Variants in KCNH7 observed in about 807,000 individuals in gnomAD.
KCNH7 encodes voltage-gated inwardly rectifying potassium channel KCNH7.
A neutral mutation model predicts 120.8 loss-of-function variants in KCNH7; 49 were observed. That is an observed-to-expected ratio of 0.41 (90% CI 0.32 to 0.51). The LOEUF is 0.51. KCNH7 is among the 20% of genes least tolerant of loss of function. The pLI is 0.38. For missense variants in KCNH7, 1,097 were observed against 1,446.6 expected (o/e 0.76, Z 3.92); for synonymous variants, 547 against 516.1 (o/e 1.06, Z -0.81).
intron 2 of KCNH7, among the ~76,000 whole-genome samples, chr2:162,803,920 TA>T (rs11348750): frequency 0.3 from 44,697 of 149,434 alleles, 6,713 homozygotes; most frequent in Admixed American, 0.33. Context: ...TCCAATTGTC[TA>T]AAAAAAAAAT....
chr2:162,522,650 A>G (rs923683762), intron 3 of KCNH7, among the ~76,000 whole-genome samples: 2 of 151,934 alleles, frequency 1.3e-5, no homozygotes, highest in Non-Finnish European at 2.9e-5. Flanking sequence ...GAATAATTAA[A>G]ATAGATACTA....
At chr2:162,710,886 A>G (rs921332913) in intron 2 of KCNH7, among the ~76,000 whole-genome samples, 1 of 152,144 alleles carries the variant, frequency 6.6e-6, no homozygotes, top group African/African-American at 2.4e-5. Flanking sequence ...TTCTTCTAAT[A>G]TATTACAGTT....
At chr2:162,805,958 T>C (rs1226226838) in intron 2 of KCNH7, among the ~76,000 whole-genome samples, 1 of 152,142 alleles carries the variant, frequency 6.6e-6, no homozygotes, top group Non-Finnish European at 1.5e-5. Flanking sequence ...TGGAGGCCAT[T>C]ACTCTACGTG....
chr2:162,787,926 T>C (rs1444378866), intron 2 of KCNH7, among the ~76,000 whole-genome samples: 1 of 152,222 alleles, frequency 6.6e-6, no homozygotes, highest in Non-Finnish European at 1.5e-5. Flanking sequence ...GCAGCAAGGT[T>C]ATCTGCAGAT....
intron 2 of KCNH7, among the ~76,000 whole-genome samples, chr2:162,737,322 AAGAG>A (rs1009892029): frequency 6.6e-6 from 1 of 151,974 alleles, no homozygotes; most frequent in African/African-American, 2.4e-5. Context: ...TATAGATCAG[AAGAG>A]AGAGAGTAGC....
chr2:162,744,824 C>T lies in KCNH7; in HGVS notation c.307+91713G>A, dbSNP rs551868759. On this transcript the variant is annotated intron_variant, in intron 2 of 15. Transcript: ENST00000332142. The stretch of plus-strand genomic sequence containing the variant: ...TCCTGACCTCGTGATCCGCCCGCCT[C>T]GGCCTCCCAAAGTGCTGGGATTACA... Among the ~76,000 whole-genome samples the T allele has an allele frequency of 1.2e-3, 185 of 152,226 alleles. 3 individuals are homozygous for T. Among genetic ancestry groups the T allele is most frequent in the South Asian group, 7.9e-3 (38 of 4,830 alleles).
chr2:162,644,336 C>T (rs575161719), intron 2 of KCNH7, among the ~76,000 whole-genome samples: 11 of 151,800 alleles, frequency 7.2e-5, no homozygotes, highest in South Asian at 4.2e-4. Flanking sequence ...AAGTTGTCCA[C>T]GTAAAATAGT....
intron 9 of KCNH7, among the ~76,000 whole-genome samples, chr2:162,412,267 C>G (rs1687412940): frequency 6.6e-6 from 1 of 151,838 alleles, no homozygotes; most frequent in South Asian, 2.1e-4. Flanking sequence ...AAAGGTAAAA[C>G]TTTTTAAGAA....
intron 2 of KCNH7, among the ~76,000 whole-genome samples, chr2:162,771,044 T>C (rs939219131): frequency 1.3e-5 from 2 of 152,130 alleles, no homozygotes; most frequent in African/African-American, 4.8e-5. Flanking sequence ...GGATTTGAGC[T>C]CTCATTTTCA....
chr2:162,618,093 T>C (rs1297110593), intron 2 of KCNH7, among the ~76,000 whole-genome samples: 3 of 151,988 alleles, frequency 2.0e-5, no homozygotes, highest in Admixed American at 1.3e-4. Flanking sequence ...ATGTATATTA[T>C]TAATTTATCC....
In KCNH7 at chr2:162,415,458, G is replaced by A. The variant is rs562917094; in HGVS notation, c.2154+7878C>T. 2.5e-3 allele frequency among the ~76,000 whole-genome samples: 387 copies of A among 152,024 alleles called. 7 individuals carry two copies. Among genetic ancestry groups the A allele is most frequent in the African/African-American group, 8.8e-3 (364 of 41,498 alleles). ...TGGTTGCAAGGTGATGTTATATTAG[G>A]GTGTTGTCTGTAAGTGAAAAGATAT... On this transcript the variant is annotated intron_variant, in intron 9 of 15. Coordinates refer to ENST00000332142, the MANE Select transcript of KCNH7 (RefSeq NM_033272.4).
intron 9 of KCNH7, among the ~76,000 whole-genome samples, chr2:162,407,236 A>C (rs999100432): frequency 1.3e-5 from 2 of 151,992 alleles, no homozygotes; most frequent in African/African-American, 2.4e-5. Context: ...CTTAGGGAAA[A>C]AAATATGGGC....
intron 6 of KCNH7, among the ~76,000 whole-genome samples, chr2:162,459,878 G>A (rs781136146): frequency 4.6e-5 from 7 of 151,894 alleles, no homozygotes; most frequent in African/African-American, 1.2e-4. Context: ...GGCAGATGAC[G>A]AGGTCAAGAG....
At chr2:162,530,964 G>A (rs940920789) in intron 3 of KCNH7, among the ~76,000 whole-genome samples, 4 of 151,906 alleles carry the variant, frequency 2.6e-5, no homozygotes, top group African/African-American at 7.2e-5. Flanking sequence ...CCAAGTAAGA[G>A]GAAATCTAGG....
intron 2 of KCNH7, among the ~76,000 whole-genome samples, chr2:162,564,944 T>G (rs1378145247): frequency 6.6e-6 from 1 of 152,140 alleles, no homozygotes; most frequent in Non-Finnish European, 1.5e-5. Context: ...GACATGTTAT[T>G]GGGAGCCATT....
chr2:162,385,431 C>T (rs1027396771), intron 12 of KCNH7, among the ~76,000 whole-genome samples: 3 of 151,872 alleles, frequency 2.0e-5, no homozygotes, highest in African/African-American at 7.2e-5. Flanking sequence ...TGAATTTCAA[C>T]CTTAGTCTGA....
intron 2 of KCNH7, among the ~76,000 whole-genome samples, chr2:162,637,911 T>C (rs1178259176): frequency 2.0e-5 from 3 of 152,078 alleles, no homozygotes; most frequent in Non-Finnish European, 4.4e-5. Flanking sequence ...TTTGATAGTA[T>C]CATGTGAGAA....
intron 2 of KCNH7, among the ~76,000 whole-genome samples, chr2:162,649,317 T>C (rs1684487483): frequency 6.6e-6 from 1 of 152,228 alleles, no homozygotes; most frequent in Non-Finnish European, 1.5e-5. Flanking sequence ...CTTTTTGTTT[T>C]GAGAGAAGCT....
rs139325305 is a variant in KCNH7, at chr2:162,591,852, T to C, written c.308-54772A>G. Among the ~76,000 whole-genome samples, 5 of 152,274 alleles carry C rather than the reference T, an allele frequency of 3.3e-5. No homozygotes were observed. The East Asian group carries it at 9.7e-4, about 29-fold the overall frequency. The stretch of plus-strand genomic sequence containing the variant: ...TACTCAAGAGTCAATACACCGGTTC[T>C]TCCTGTTAGCACTTCCTTTTCTTCC... On this transcript the variant is annotated intron_variant, in intron 2 of 15. Transcript: ENST00000332142.
Sources: allele counts gnomAD v4.1 joint callset (sites outside exome capture counted in the v4.1 genomes callset), GRCh38; gene constraint gnomAD v4.1.1; transcripts MANE v1.5; gene names NCBI Gene and HGNC (gene_info 2026-07-23, HGNC 2026-07-21).